Variants in CCDC102B observed in about 807,000 individuals in gnomAD.
The protein encoded by CCDC102B is coiled-coil domain-containing protein 102B.
Under a neutral mutation model 57.4 loss-of-function variants are expected in CCDC102B, and 75 were observed. The ratio of observed to expected loss-of-function variants is 1.31; its 90% CI spans 1.08 to 1.58. CCDC102B has a LOEUF of 1.58. Ranked by LOEUF, CCDC102B falls within the 40% of genes most tolerant of loss-of-function variation. CCDC102B has a pLI of 0.00. For missense variants in CCDC102B, 636 were observed against 582.6 expected, an observed-to-expected ratio of 1.09 and a Z score of -0.94; for synonymous variants, 206 against 201.9, an observed-to-expected ratio of 1.02 and a Z score of -0.17.
At chr18:69,041,134 G>A (rs530876355) in intron 7 of CCDC102B, among the ~76,000 whole-genome samples, 1 of 152,176 alleles carries the variant, frequency 6.6e-6, no homozygotes, top group East Asian at 1.9e-4. Flanking sequence ...AATACATGCA[G>A]GTAAGCAGTC....
At chr18:68,923,443 T>C (rs531637239) in intron 6 of CCDC102B, among the ~76,000 whole-genome samples, 1 of 151,998 alleles carries the variant, frequency 6.6e-6, no homozygotes, top group East Asian at 1.9e-4. Flanking sequence ...ATTTAATAAA[T>C]AATATTATTA....
At chr18:68,924,808 G>T (rs1305438791) in intron 6 of CCDC102B, among the ~76,000 whole-genome samples, 3 of 152,046 alleles carry the variant, frequency 2.0e-5, no homozygotes, top group Admixed American at 2.0e-4. Context: ...TTATCCTCTT[G>T]ATCCCTTTGA....
rs571747214 is a variant in CCDC102B at position 68,904,736 on chromosome 18, A to G, written c.1263+7308A>G. Among the ~76,000 whole-genome samples, 122 of 152,284 alleles carry G rather than the reference A, an allele frequency of 8.0e-4. 1 individual carries two copies. Among genetic ancestry groups the G allele is most frequent in the African/African-American group, 2.7e-3 (111 of 41,556 alleles). On this transcript the variant is annotated intron_variant, in intron 6 of 7. Transcript: ENST00000360242. ...TTGAATTTTACCAATCTAATTCTAA[A>G]ATAGGAGATTTATTCTTTTCCCTGT...
chr18:68,795,472 C>T (rs945526817), upstream of CCDC102B, among the ~76,000 whole-genome samples: 1 of 152,014 alleles, frequency 6.6e-6, no homozygotes, highest in Non-Finnish European at 1.5e-5. Flanking sequence ...GACAGAAGTC[C>T]AAAATCAAGA....
chr18:69,013,504 T>C (rs892784127), intron 7 of CCDC102B, among the ~76,000 whole-genome samples: 2 of 152,114 alleles, frequency 1.3e-5, no homozygotes, highest in African/African-American at 4.8e-5. Flanking sequence ...AAAATTACAC[T>C]TGCACCCCAT....
chr18:68,843,647 A>T (rs756119575), intron 3 of CCDC102B, among the ~76,000 whole-genome samples: 28 of 152,192 alleles, frequency 1.8e-4, no homozygotes, highest in African/African-American at 3.8e-4. Flanking sequence ...CATATTAAAG[A>T]TACGACATTT....
intron 5 of CCDC102B, 87 bp from the exon 6 acceptor site, chr18:68,897,132 T>C: frequency 1.0e-6 from 1 of 975,704 alleles, no homozygotes; most frequent in Non-Finnish European, 1.6e-6. Context: ...CCATGAACTT[T>C]TCTTAATGGG....
chr18:68,926,345 G>T (rs1332302321), intron 6 of CCDC102B, among the ~76,000 whole-genome samples: 1 of 151,528 alleles, frequency 6.6e-6, no homozygotes, highest in African/African-American at 2.4e-5. Flanking sequence ...AAGCTAAATT[G>T]TCTATTATGT....
intron 2 of CCDC102B, among the ~76,000 whole-genome samples, chr18:68,718,762 C>T (rs980559814): frequency 6.6e-6 from 1 of 152,112 alleles, no homozygotes; most frequent in Admixed American, 6.5e-5. Context: ...GAATCTGACC[C>T]AGTGGGGCCC....
chr18:68,935,764 T>C (rs1482608246), intron 6 of CCDC102B, among the ~76,000 whole-genome samples: 1 of 151,556 alleles, frequency 6.6e-6, no homozygotes, highest in Admixed American at 6.6e-5. Context: ...TGAGAATGAG[T>C]GGCCAGTGTT....
intron 6 of CCDC102B, among the ~76,000 whole-genome samples, chr18:68,911,470 A>C (rs1261135720): frequency 6.6e-6 from 1 of 151,976 alleles, no homozygotes; most frequent in Non-Finnish European, 1.5e-5. Flanking sequence ...AGATCAGAAA[A>C]GGCCGGGCGC....
intron 7 of CCDC102B, among the ~76,000 whole-genome samples, chr18:69,026,647 A>T (rs1201476465): frequency 6.6e-6 from 1 of 152,112 alleles, no homozygotes; most frequent in Non-Finnish European, 1.5e-5. Context: ...CCAAGAGAAT[A>T]GACACAGATA....
intron 2 of CCDC102B, among the ~76,000 whole-genome samples, chr18:68,729,931 C>G (rs1432189603): frequency 6.6e-6 from 1 of 152,110 alleles, no homozygotes; most frequent in Admixed American, 6.5e-5. Flanking sequence ...GTGGGCAAAA[C>G]ATATTGACAG....
intron 2 of CCDC102B, 88 bp from the exon 3 acceptor site, chr18:68,838,618 C>T (rs913406417): frequency 1.0e-5 from 15 of 1,506,384 alleles, no homozygotes; most frequent in African/African-American, 2.8e-5. Context: ...GTTGTGGTAT[C>T]GTAACATTTA....
chr18:68,868,375 C>G (rs893271579), intron 4 of CCDC102B, among the ~76,000 whole-genome samples: 2 of 152,068 alleles, frequency 1.3e-5, no homozygotes, highest in Admixed American at 6.5e-5. Context: ...CTACCATTCT[C>G]TAAGGTTAAG....
chr18:69,026,748 G>A (rs1009873632), intron 7 of CCDC102B, among the ~76,000 whole-genome samples: 1 of 152,128 alleles, frequency 6.6e-6, no homozygotes, highest in African/African-American at 2.4e-5. Context: ...AAACAATTAT[G>A]CCATGTTTAC....
At chr18:69,032,485 A>G (rs1159084591) in intron 7 of CCDC102B, among the ~76,000 whole-genome samples, 1 of 152,184 alleles carries the variant, frequency 6.6e-6, no homozygotes, top group African/African-American at 2.4e-5. Context: ...CCCCAAGTGA[A>G]TTTTAATTAT....
chr18:68,838,561 C>T, intron 2 of CCDC102B, 145 bp from the exon 3 acceptor site: 1 of 1,429,414 alleles, frequency 7.0e-7, no homozygotes, highest in Non-Finnish European at 9.1e-7. Flanking sequence ...GTAAGTGTGG[C>T]CACACAACAC....
chr18:68,875,261 A>G (rs1385553738), intron 5 of CCDC102B, among the ~76,000 whole-genome samples: 1 of 152,002 alleles, frequency 6.6e-6, no homozygotes. Context: ...TTATTTTTCC[A>G]CTCCTGCCAC....
Sources: gnomAD v4.1 joint callset for allele counts (sites outside exome capture counted in the v4.1 genomes callset) on GRCh38, gnomAD v4.1.1 for gene constraint, MANE v1.5 for transcripts, NCBI Gene and HGNC (gene_info 2026-07-23, HGNC 2026-07-21) for gene names.